The following ARHGEF4 variants were observed in gnomAD, a reference collection of about 807,000 sequenced individuals.
ARHGEF4 encodes the protein APC-stimulated guanine nucleotide exchange factor 1.
Under a neutral mutation model 162.0 loss-of-function variants are expected in ARHGEF4, and 119 were observed. That is an observed-to-expected ratio of 0.73 (90% CI 0.63 to 0.86). The LOEUF (loss-of-function observed/expected upper bound fraction) is 0.86, where lower values mean the gene tolerates loss of function less well. Ranked by LOEUF, ARHGEF4 falls within the 40% of genes least tolerant of loss-of-function variation. The pLI is 0.00. For missense variants in ARHGEF4, 2,488 were observed against 2,456.0 expected (o/e 1.01, Z -0.28); for synonymous variants, 1,014 against 979.9 (o/e 1.03, Z -0.65).
chr2:130,946,633 C>T lies in ARHGEF4; in HGVS notation c.3983C>T (p.Thr1328Ile). Residue 1328 changes from threonine to isoleucine, a missense_variant and splice_region_variant, in exon 4 of 14, where the codon ACT becomes ATT. Around this residue, in one of 6 missense-constraint regions of ARHGEF4, gnomAD observed 1,642 missense variants for 1,481.5 expected, o/e 1.11. Coordinates refer to ENST00000409359, the MANE Select transcript of ARHGEF4 (RefSeq NM_001367493.1). Reference protein sequence around the residue: ...HMGWPEHTPGTAMPDGALDTA... With the variant: ...HMGWPEHTPGIAMPDGALDTA... ...GGCTGGCCAGAGCACACACCAGGCACTGGTGAGTTACGCGCCTCTCTCTTT... is the reference window on the plus strand; with the variant it reads ...GGCTGGCCAGAGCACACACCAGGCATTGGTGAGTTACGCGCCTCTCTCTTT... 1 of 1,614,006 alleles carries T rather than the reference C, an allele frequency of 6.2e-7. No individual in the cohort carries two copies. The highest frequency in any genetic ancestry group is 8.5e-7 in the Non-Finnish European group (1 of 1,179,920).
intron 5 of ARHGEF4, chr2:131,035,536 C>T (rs1690206852): frequency 3.8e-6 from 2 of 523,324 alleles, no homozygotes; most frequent in Non-Finnish European, 2.6e-6. Flanking sequence ...TGCGAGTAAC[C>T]GAGGATGCGG....
rs1681471427 is a variant in ARHGEF4 at position 130,916,114 on chromosome 2, C to T, written c.2168C>T (p.Ser723Leu). ...AGAGTGCTGGTCCCCCAAGCTGCTT[C>T]GGAAGAGACGCCGAGCACAGAGGAG... ...LGRVLVPQAA[S>L]EETPSTEEPP... The change falls in exon 2 of 14, where the codon TCG becomes TTG. Residue 723 changes from serine to leucine, a missense_variant. Around this residue, in one of 6 missense-constraint regions of ARHGEF4, gnomAD observed 1,642 missense variants for 1,481.5 expected, o/e 1.11. Transcript: ENST00000409359. 3 of 1,549,868 alleles carry T rather than the reference C, an allele frequency of 1.9e-6. No individual in the cohort carries two copies. Among genetic ancestry groups the T allele is most frequent in the Non-Finnish European group, 2.6e-6 (3 of 1,146,900 alleles).
intron 2 of ARHGEF4, among the ~76,000 whole-genome samples, chr2:130,930,228 C>T (rs1682552637): frequency 6.6e-6 from 1 of 152,118 alleles, no homozygotes; most frequent in African/African-American, 2.4e-5. Context: ...GCAAACAGTA[C>T]ACACAGAGTG....
Position 130,917,426 on chromosome 2 carries a change from G to C in ARHGEF4, c.3480G>C (p.Glu1160Asp), listed in dbSNP as rs139148361. 7.7e-6 allele frequency: 12 copies of C among 1,550,652 alleles called. No individual in the cohort carries two copies. The East Asian group carries it at 1.2e-4, about 16-fold the overall frequency. Residue 1160 changes from glutamate to aspartate, a missense_variant, in exon 2 of 14, where the codon GAG becomes GAC. By Grantham distance (45) the Glu-to-Asp change is conservative. Transcript: ENST00000409359. Reference protein sequence around the residue: ...QTLNQDEQKEESREGGQGPRG... With the variant: ...QTLNQDEQKEDSREGGQGPRG... ...TAAACCAAGATGAGCAGAAGGAAGA[G>C]AGCAGGGAAGGAGGCCAGGGTCCGC...
chr2:130,896,984 C>G (rs1211903548), intron 1 of ARHGEF4, among the ~76,000 whole-genome samples: 2 of 152,156 alleles, frequency 1.3e-5, no homozygotes, highest in East Asian at 3.9e-4. Context: ...GTCTGCCCAG[C>G]TGGATCACCA....
chr2:131,032,130 G>C (rs1291656353), intron 5 of ARHGEF4, among the ~76,000 whole-genome samples: 1 of 152,052 alleles, frequency 6.6e-6, no homozygotes, highest in Non-Finnish European at 1.5e-5. Flanking sequence ...CCTAAGCCCA[G>C]CTCGTCTTCC....
intron 4 of ARHGEF4, among the ~76,000 whole-genome samples, chr2:130,990,317 GGT>G (rs1686857446): frequency 6.6e-6 from 1 of 151,846 alleles, no homozygotes; most frequent in African/African-American, 2.4e-5. Flanking sequence ...TTTGGGCATT[GGT>G]AAAAAAGAAA....
intron 4 of ARHGEF4, among the ~76,000 whole-genome samples, chr2:130,961,328 A>C (rs1033137525): frequency 6.6e-6 from 1 of 152,212 alleles, no homozygotes; most frequent in Non-Finnish European, 1.5e-5. Context: ...GAATCAGTGA[A>C]GCCTCACTGA....
chr2:130,996,846 T>G (rs1465680462), intron 4 of ARHGEF4, among the ~76,000 whole-genome samples: 2 of 152,230 alleles, frequency 1.3e-5, no homozygotes, highest in Admixed American at 1.3e-4. Flanking sequence ...GTCTATTGGA[T>G]GTAAAGTGAC....
intron 1 of ARHGEF4, among the ~76,000 whole-genome samples, chr2:130,909,997 A>G (rs1681076775): frequency 6.6e-6 from 1 of 152,208 alleles, no homozygotes; most frequent in Admixed American, 6.5e-5. Flanking sequence ...GAGAGCAGTG[A>G]TCACAGAAAC....
rs1371979023 is a variant in ARHGEF4, at chr2:130,866,043, GGGACCTGAAGA to G, written c.39+29055_39+29065del. ...TTCATGTGCTGCTAAGTTAGGTCCA[GGGACCTGAAGA>G]GGAAAACTTTAGGGTCGAATAAAAA... On this transcript the variant is annotated intron_variant, in intron 1 of 13. Transcript: ENST00000409359. Among the ~76,000 whole-genome samples, 115 of 152,226 alleles carry G rather than the reference GGGACCTGAAGA, an allele frequency of 7.6e-4. 1 individual carries two copies. Among genetic ancestry groups the G allele is most frequent in the African/African-American group, 2.6e-3 (109 of 41,526 alleles).
At chr2:130,885,714 C>G (rs1359560902) in intron 1 of ARHGEF4, among the ~76,000 whole-genome samples, 1 of 151,336 alleles carries the variant, frequency 6.6e-6, no homozygotes. Flanking sequence ...GGACTACAGG[C>G]GCCCGCCACC....
chr2:131,013,876 C>T lies in ARHGEF4; in HGVS notation c.3986-14069C>T, dbSNP rs573522354. On this transcript the variant is annotated intron_variant, in intron 4 of 13. Transcript: ENST00000409359. ...TCTGCCTCCCAAAGTGCTGAGATTA[C>T]AGGCGTGAGCCACCACACCCGGCCT... Among the ~76,000 whole-genome samples, 91 of 152,330 alleles carry T rather than the reference C, an allele frequency of 6.0e-4. 1 individual carries two copies. In the South Asian group the frequency reaches 6.0e-3, roughly 10 times the overall value.
intron 4 of ARHGEF4, among the ~76,000 whole-genome samples, chr2:130,977,461 T>C (rs537855947): frequency 6.6e-6 from 1 of 151,990 alleles, no homozygotes; most frequent in South Asian, 2.1e-4. Flanking sequence ...GTGTGTGTAG[T>C]GTTTATGTTG....
At chr2:130,952,417 A>C (rs1426677002) in intron 4 of ARHGEF4, among the ~76,000 whole-genome samples, 3 of 152,178 alleles carry the variant, frequency 2.0e-5, no homozygotes, top group Non-Finnish European at 4.4e-5. Context: ...GTATCACAAA[A>C]TAATAAGAGC....
chr2:130,846,830 A>T (rs1256111656), intron 1 of ARHGEF4, among the ~76,000 whole-genome samples: 1 of 152,042 alleles, frequency 6.6e-6, no homozygotes, highest in Non-Finnish European at 1.5e-5. Flanking sequence ...GAGTCCGGAG[A>T]GTCTTGTTCT....
intron 1 of ARHGEF4, among the ~76,000 whole-genome samples, chr2:130,903,050 GT>G (rs1308562068): frequency 6.7e-6 from 1 of 150,216 alleles, no homozygotes; most frequent in Non-Finnish European, 1.5e-5. Context: ...ATTCATCGAG[GT>G]TTTTTTATTT....
chr2:130,978,469 C>T (rs1685899022), intron 4 of ARHGEF4, among the ~76,000 whole-genome samples: 1 of 152,200 alleles, frequency 6.6e-6, no homozygotes, highest in African/African-American at 2.4e-5. Context: ...CAAAGTGCAA[C>T]AAGAATCACT....
chr2:130,937,180 G>A (rs1439744806), intron 3 of ARHGEF4, among the ~76,000 whole-genome samples: 1 of 151,864 alleles, frequency 6.6e-6, no homozygotes, highest in African/African-American at 2.4e-5. Context: ...CAAAGTGCTG[G>A]GATTACAGGT....
Sources: allele counts gnomAD v4.1 joint callset (sites outside exome capture counted in the v4.1 genomes callset), GRCh38; gene constraint gnomAD v4.1.1; regional missense constraint gnomAD v4.1.1; transcripts MANE v1.5; gene names NCBI Gene and HGNC (gene_info 2026-07-23, HGNC 2026-07-21).